LDAH: variants seen among roughly 807,000 people sequenced by gnomAD.
The protein encoded by LDAH is lipid droplet-associated hydrolase.
In LDAH, 26 loss-of-function variants were observed where a neutral mutation model predicts 29.6. The observed-to-expected ratio is 0.88, with a 90% CI of 0.64 to 1.22. LDAH has a LOEUF of 1.22. LDAH is among the 50% of genes most tolerant of loss of function. The pLI is 0.00. For synonymous variants in LDAH, 117 were observed against 133.0 expected (o/e 0.88, Z 0.83); for missense variants, 344 against 387.3 (o/e 0.89, Z 0.94).
intron 5 of LDAH, among the ~76,000 whole-genome samples, chr2:20,714,072 A>C (rs1664975828): frequency 6.6e-6 from 1 of 152,210 alleles, no homozygotes; most frequent in Non-Finnish European, 1.5e-5. Context: ...AATCAACAGA[A>C]TATACCTTCT....
intron 5 of LDAH, among the ~76,000 whole-genome samples, chr2:20,735,325 TTCTC>T (rs1169243836): frequency 1.3e-5 from 2 of 152,156 alleles, no homozygotes; most frequent in Non-Finnish European, 2.9e-5. Context: ...TTAGTCTATT[TTCTC>T]TCTATTGGAT....
At chr2:20,781,833 C>T (rs369387778) in intron 3 of LDAH, among the ~76,000 whole-genome samples, 14 of 152,160 alleles carry the variant, frequency 9.2e-5, no homozygotes, top group East Asian at 5.8e-4. Context: ...TCCTTTGGCG[C>T]TATGGTGGCC....
chr2:20,821,707 T>C (rs1673322113), intron 1 of LDAH, among the ~76,000 whole-genome samples: 1 of 152,092 alleles, frequency 6.6e-6, no homozygotes, highest in Non-Finnish European at 1.5e-5. Flanking sequence ...ATGGCACATG[T>C]ATACATATGT....
intron 3 of LDAH, among the ~76,000 whole-genome samples, chr2:20,775,669 C>T (rs963200580): frequency 1.3e-5 from 2 of 152,156 alleles, no homozygotes; most frequent in Admixed American, 1.3e-4. Flanking sequence ...GCAGTCCTGA[C>T]CTGAAATATC....
intron 3 of LDAH, among the ~76,000 whole-genome samples, chr2:20,777,674 T>G (rs1669915648): frequency 6.6e-6 from 1 of 152,088 alleles, no homozygotes; most frequent in Non-Finnish European, 1.5e-5. Context: ...CCTCCTGAAG[T>G]GCTGGGATTA....
intron 6 of LDAH, among the ~76,000 whole-genome samples, chr2:20,688,371 T>C (rs1356465137): frequency 1.3e-5 from 2 of 152,072 alleles, no homozygotes; most frequent in Non-Finnish European, 2.9e-5. Flanking sequence ...GAGATAAGAC[T>C]GGAGAGGCAG....
intron 1 of LDAH, among the ~76,000 whole-genome samples, chr2:20,809,030 G>T (rs1672286654): frequency 6.6e-6 from 1 of 152,046 alleles, no homozygotes; most frequent in South Asian, 2.1e-4. Context: ...GATAACATTG[G>T]AACATACCTT....
At chr2:20,727,804 A>G (rs1240208831) in intron 5 of LDAH, among the ~76,000 whole-genome samples, 1 of 152,322 alleles carries the variant, frequency 6.6e-6, no homozygotes, top group African/African-American at 2.4e-5. Flanking sequence ...AAATCCATAT[A>G]TGTTCTTTAA....
chr2:20,816,325 G>C (rs538776502), intron 1 of LDAH, among the ~76,000 whole-genome samples: 1 of 152,210 alleles, frequency 6.6e-6, no homozygotes, highest in African/African-American at 2.4e-5. Context: ...TTAAAAGACA[G>C]AGATTGGCAG....
rs574913235 is a variant in LDAH at position 20,799,608 on chromosome 2, T to C, written c.154+1702A>G. The stretch of plus-strand genomic sequence containing the variant: ...TGTTGGTATAAATAAGTTCCAACAA[T>C]AGAACTTACACCTTTCATCTAACTT... On this transcript the variant is annotated intron_variant, in intron 2 of 6. Transcript: ENST00000237822. Among the ~76,000 whole-genome samples the C allele has an allele frequency of 6.6e-5, 10 of 152,294 alleles. No individual in the cohort carries two copies. The South Asian group carries it at 1.4e-3, about 22-fold the overall frequency.
intron 4 of LDAH, among the ~76,000 whole-genome samples, chr2:20,743,810 C>T (rs1667378457): frequency 6.7e-6 from 1 of 150,352 alleles, no homozygotes; most frequent in Non-Finnish European, 1.5e-5. Flanking sequence ...GTTTCTTTCT[C>T]TCGTTCTTTT....
chr2:20,782,241 C>T (rs1389231970), intron 3 of LDAH, among the ~76,000 whole-genome samples: 1 of 152,060 alleles, frequency 6.6e-6, no homozygotes, highest in African/African-American at 2.4e-5. Flanking sequence ...TTTAATAAAC[C>T]CTCCAGGTGA....
At chr2:20,798,831 G>A (rs1371687566) in intron 2 of LDAH, among the ~76,000 whole-genome samples, 1 of 151,184 alleles carries the variant, frequency 6.6e-6, no homozygotes, top group South Asian at 2.1e-4. Context: ...GCAGTGAGCC[G>A]AGATCACACC....
intron 1 of LDAH, among the ~76,000 whole-genome samples, chr2:20,817,100 C>T (rs1478383465): frequency 2.6e-5 from 4 of 151,864 alleles, no homozygotes; most frequent in East Asian, 3.9e-4. Flanking sequence ...TAAATGCTTA[C>T]GTTAGAAACA....
At chr2:20,802,020 A>C (rs1191057314) in intron 1 of LDAH, among the ~76,000 whole-genome samples, 1 of 151,538 alleles carries the variant, frequency 6.6e-6, no homozygotes, top group Non-Finnish European at 1.5e-5. Context: ...ATACATATAC[A>C]TACATATCCA....
intron 4 of LDAH, among the ~76,000 whole-genome samples, chr2:20,742,656 T>C (rs1558433573): frequency 6.6e-6 from 1 of 152,216 alleles, no homozygotes. Flanking sequence ...TATATTTTTC[T>C]CCATCCATTT....
chr2:20,748,535 GT>G (rs1259812828), intron 4 of LDAH, among the ~76,000 whole-genome samples: 1 of 152,122 alleles, frequency 6.6e-6, no homozygotes, highest in Admixed American at 6.6e-5. Context: ...AAACCACTTC[GT>G]TTTGGGCTCT....
chr2:20,729,594 G>A (rs1306413349), intron 5 of LDAH, among the ~76,000 whole-genome samples: 1 of 152,162 alleles, frequency 6.6e-6, no homozygotes, highest in Non-Finnish European at 1.5e-5. Flanking sequence ...TCAGGATGAG[G>A]GGAACACCTA....
At chr2:20,800,306 G>A (rs1039492978) in intron 2 of LDAH, among the ~76,000 whole-genome samples, 2 of 152,204 alleles carry the variant, frequency 1.3e-5, no homozygotes, top group African/African-American at 4.8e-5. Context: ...CATTGTAAAT[G>A]ATGTCAAAAG....
Sources: allele counts gnomAD v4.1 joint callset (sites outside exome capture counted in the v4.1 genomes callset), GRCh38; gene constraint gnomAD v4.1.1; transcripts MANE v1.5; gene names NCBI Gene and HGNC (gene_info 2026-07-23, HGNC 2026-07-21).